The following CR1 variants were observed in gnomAD, a reference collection of about 807,000 sequenced individuals.
CR1 encodes complement C3b/C4b receptor 1 (Knops blood group), also known as complement receptor type 1.
In CR1, 116 loss-of-function variants were observed where a neutral mutation model predicts 187.3. The observed-to-expected ratio is 0.62, with a 90% CI of 0.53 to 0.72. The LOEUF is 0.72. Among genes scored for constraint, CR1 ranks in the 30% least tolerant of loss-of-function variants. The pLI is 0.00. For missense variants in CR1, 1,731 were observed against 2,110.7 expected, an observed-to-expected ratio of 0.82 and a Z score of 3.52; for synonymous variants, 576 against 747.1, an observed-to-expected ratio of 0.77 and a Z score of 3.73.
chr1:207,585,710 C>A (rs887959432), intron 33 of CR1, among the ~76,000 whole-genome samples: 1 of 152,188 alleles, frequency 6.6e-6, no homozygotes, highest in Non-Finnish European at 1.5e-5. Context: ...CTTTACTCTC[C>A]AACTGAGTGG....
intron 4 of CR1, among the ~76,000 whole-genome samples, chr1:207,519,041 A>T (rs887286338): frequency 6.6e-6 from 1 of 152,224 alleles, no homozygotes; most frequent in Non-Finnish European, 1.5e-5. Context: ...CTTTCTGCTG[A>T]ATTGACTATT....
chr1:207,525,711 GA>G (rs996783215), intron 5 of CR1, among the ~76,000 whole-genome samples: 3 of 152,042 alleles, frequency 2.0e-5, no homozygotes, highest in Non-Finnish European at 4.4e-5. Context: ...GCTGTCAAAA[GA>G]CAGTGCAGAA....
intron 4 of CR1, among the ~76,000 whole-genome samples, chr1:207,512,307 T>C (rs1659649147): frequency 6.6e-6 from 1 of 152,080 alleles, no homozygotes; most frequent in Non-Finnish European, 1.5e-5. Context: ...CTAAGAAACA[T>C]AAAACAGCTA....
intron 28 of CR1, among the ~76,000 whole-genome samples, chr1:207,576,518 AAT>A (rs1314643039): frequency 6.6e-6 from 1 of 152,162 alleles, no homozygotes; most frequent in Non-Finnish European, 1.5e-5. Context: ...CTTATTATTT[AAT>A]AAAGATGTTA....
At chr1:207,515,533 T>C (rs745986651) in intron 4 of CR1, among the ~76,000 whole-genome samples, 2 of 152,022 alleles carry the variant, frequency 1.3e-5, no homozygotes, top group African/African-American at 4.8e-5. Flanking sequence ...CTAAATTTTA[T>C]ATTAAAGGAA....
chr1:207,634,092 G>A (rs1256036682), intron 46 of CR1, among the ~76,000 whole-genome samples: 1 of 152,132 alleles, frequency 6.6e-6, no homozygotes, highest in Non-Finnish European at 1.5e-5. Context: ...AGGCGGGGCA[G>A]GGCATTTTCA....
At chr1:207,629,693 T>C (rs1361083267) in intron 45 of CR1, among the ~76,000 whole-genome samples, 3 of 152,226 alleles carry the variant, frequency 2.0e-5, no homozygotes, top group Non-Finnish European at 1.5e-5. Context: ...TACCAACTCA[T>C]ACATAAAATC....
At chr1:207,636,374 CT>C (rs1431226012) in intron 46 of CR1, among the ~76,000 whole-genome samples, 4 of 152,252 alleles carry the variant, frequency 2.6e-5, no homozygotes, top group African/African-American at 9.6e-5. Context: ...GTGAGATTAT[CT>C]TCTGTTCCCT....
At chr1:207,590,518 A>G (rs34011300) in intron 35 of CR1, among the ~76,000 whole-genome samples, 29,058 of 152,250 alleles carry the variant, frequency 0.19, 3,080 homozygotes, top group South Asian at 0.43. Context: ...ACCAAATTGT[A>G]AAGACCATCA....
intron 35 of CR1, among the ~76,000 whole-genome samples, chr1:207,595,190 C>T (rs556146690): frequency 6.7e-6 from 1 of 148,722 alleles, no homozygotes; most frequent in East Asian, 2.0e-4. Context: ...AGATTGAATT[C>T]TCCAGAATTC....
rs1558244573 is a variant in CR1, at chr1:207,580,393, G to A, written c.5090G>A (p.Ser1697Asn). ...SLHCTPQGDWSPEAPRCAVKS... is the reference protein window; with the variant it reads ...SLHCTPQGDWNPEAPRCAVKS... ...CACTGCACACCCCAGGGAGACTGGAGCCCTGAAGCCCCGAGATGTGCAGGT... is the reference window on the plus strand; with the variant it reads ...CACTGCACACCCCAGGGAGACTGGAACCCTGAAGCCCCGAGATGTGCAGGT... The change falls in exon 30 of 47, where the codon AGC (serine) becomes AAC (asparagine). Residue 1697 changes from serine (S) to asparagine (N), a missense_variant. Physicochemically the swap from Ser to Asn is conservative, Grantham distance 46 (BLOSUM62 1). This residue lies in a region of CR1 where 1,312 missense variants were observed against 1,379.6 expected (regional missense o/e 0.95). Coordinates refer to ENST00000367049, the MANE Select transcript of CR1 (RefSeq NM_000651.6). The A allele has an allele frequency of 6.2e-7, 1 of 1,613,856 alleles. No individual in the cohort carries two copies. The highest frequency in any genetic ancestry group is 8.5e-7 in the Non-Finnish European group (1 of 1,179,828).
intron 41 of CR1, among the ~76,000 whole-genome samples, chr1:207,617,567 ATGTG>A (rs1201411323): frequency 1.6e-5 from 1 of 63,020 alleles, no homozygotes; most frequent in East Asian, 4.0e-4. Context: ...GTGTATATAT[ATGTG>A]TGTGTGTATA....
intron 43 of CR1, 92 bp downstream of exon 43, chr1:207,620,157 T>C: frequency 7.8e-7 from 1 of 1,278,148 alleles, no homozygotes; most frequent in Non-Finnish European, 1.1e-6. Context: ...GTGTGATGTT[T>C]ATGGCATATG....
intron 5 of CR1, among the ~76,000 whole-genome samples, chr1:207,524,546 G>A (rs1660107286): frequency 6.6e-6 from 1 of 151,922 alleles, no homozygotes; most frequent in Non-Finnish European, 1.5e-5. Flanking sequence ...ACCATGCCTG[G>A]ATAAGTTTTT....
intron 1 of CR1, among the ~76,000 whole-genome samples, chr1:207,502,560 A>G (rs758705498): frequency 3.2e-4 from 48 of 152,306 alleles, no homozygotes; most frequent in Non-Finnish European, 6.0e-4. Context: ...GTCTTTGGGA[A>G]ACTGAAAAAG....
intron 3 of CR1, among the ~76,000 whole-genome samples, chr1:207,508,953 C>T (rs1421754112): frequency 6.6e-6 from 1 of 152,114 alleles, no homozygotes; most frequent in Non-Finnish European, 1.5e-5. Context: ...GAGTGCTGAC[C>T]CCATTCATTT....
At chr1:207,519,186 C>A (rs1659894001) in intron 4 of CR1, among the ~76,000 whole-genome samples, 1 of 151,884 alleles carries the variant, frequency 6.6e-6, no homozygotes. Flanking sequence ...TTACTTTCAG[C>A]CCTTCTTTGT....
In CR1 at chr1:207,623,072, A is replaced by C. The variant is rs1310295604; in HGVS notation, c.7352+4A>C. The C allele has an allele frequency of 2.6e-6, 4 of 1,559,814 alleles. No individual in the cohort carries two copies. The highest frequency in any genetic ancestry group is 2.3e-5 in the South Asian group (2 of 85,610). ...TAATTCTAAAGCACAGAAAAGGGTA[A>C]GTATAGCCATATTATCCCAAGAAAT... On this transcript the variant is annotated splice_donor_region_variant and intron_variant, in intron 45 of 46. Transcript: ENST00000367049.
intron 35 of CR1, among the ~76,000 whole-genome samples, chr1:207,603,398 C>T (rs1229203745): frequency 1.3e-5 from 2 of 151,848 alleles, no homozygotes; most frequent in African/African-American, 2.4e-5. Context: ...GACCTGATGT[C>T]CCACGTCTGT....
Sources: allele counts gnomAD v4.1 joint callset (sites outside exome capture counted in the v4.1 genomes callset), GRCh38; gene constraint gnomAD v4.1.1; regional missense constraint gnomAD v4.1.1; transcripts MANE v1.5; gene names NCBI Gene and HGNC (gene_info 2026-07-23, HGNC 2026-07-21).